Variants in PPP2R5E observed in about 807,000 individuals in gnomAD.
PPP2R5E encodes protein phosphatase 2 regulatory subunit B'epsilon.
A neutral mutation model predicts 65.3 loss-of-function variants in PPP2R5E; 4 were observed. That is an observed-to-expected ratio of 0.06 (90% CI 0.03 to 0.14). The LOEUF (loss-of-function observed/expected upper bound fraction) is 0.14. PPP2R5E is among the 10% of genes least tolerant of loss of function. The pLI is 1.00. For missense variants in PPP2R5E, 274 were observed against 556.1 expected (o/e 0.49, Z 5.10); for synonymous variants, 183 against 187.4 (o/e 0.98, Z 0.19).
At chr14:63,520,859 CAAAAAAA>C (rs748146106) in intron 2 of PPP2R5E, among the ~76,000 whole-genome samples, 101 of 58,522 alleles carry the variant, frequency 1.7e-3, no homozygotes, top group Non-Finnish European at 1.7e-3. Flanking sequence ...ACTAAAAATA[CAAAAAAA>C]AAAAAAAAAA....
intron 2 of PPP2R5E, among the ~76,000 whole-genome samples, chr14:63,508,560 T>A (rs1297491496): frequency 1.3e-5 from 2 of 152,222 alleles, no homozygotes; most frequent in Non-Finnish European, 2.9e-5. Flanking sequence ...ATTCCCCTTT[T>A]TACCACCAAG....
intron 2 of PPP2R5E, among the ~76,000 whole-genome samples, chr14:63,488,311 C>A (rs2064954): frequency 0.33 from 49,421 of 151,772 alleles, 10,633 homozygotes; most frequent in African/African-American, 0.62. Context: ...AATCCTCCCA[C>A]CTCAGCCTCC....
chr14:63,483,109 A>T (rs145077657), intron 2 of PPP2R5E, among the ~76,000 whole-genome samples: 1,940 of 152,302 alleles, frequency 0.013, 42 homozygotes, highest in African/African-American at 0.045. Flanking sequence ...GTTCAAGACC[A>T]GCCTGGGCAA....
At position 63,432,301 on chromosome 14, in the gene PPP2R5E, C is replaced by T. The variant is rs555994545; in HGVS notation, c.355-10207G>A. 1.4e-4 allele frequency among the ~76,000 whole-genome samples: 22 copies of T among 152,264 alleles called. No individual in the cohort carries two copies. In the East Asian group the frequency reaches 3.7e-3, roughly 25 times the overall value. ...GCTGCTTACTGCTGTTAGAAGCAGT[C>T]GGAGTATTTAGCTGATAATTGTTAT... is the stretch of plus-strand genomic sequence containing the variant. On this transcript the variant is annotated intron_variant, in intron 3 of 13. Coordinates refer to ENST00000337537, the MANE Select transcript of PPP2R5E (RefSeq NM_006246.5).
chr14:63,477,103 T>G (rs1358869160), intron 2 of PPP2R5E, among the ~76,000 whole-genome samples: 1 of 152,120 alleles, frequency 6.6e-6, no homozygotes, highest in African/African-American at 2.4e-5. Flanking sequence ...TACTAAATAT[T>G]TGGATTACAG....
At chr14:63,473,710 A>G (rs1488369697) in intron 2 of PPP2R5E, among the ~76,000 whole-genome samples, 3 of 152,244 alleles carry the variant, frequency 2.0e-5, no homozygotes, top group Admixed American at 1.3e-4. Flanking sequence ...GGATTTTATT[A>G]AATGAAGAAG....
intron 2 of PPP2R5E, among the ~76,000 whole-genome samples, chr14:63,522,189 A>G (rs1365457602): frequency 1.3e-3 from 195 of 151,638 alleles, no homozygotes; most frequent in Middle Eastern, 6.8e-3. Flanking sequence ...CGAGTGATCC[A>G]CCAGCCTCGG....
intron 2 of PPP2R5E, 85 bp from the exon 3 acceptor site, chr14:63,453,970 G>A: frequency 9.3e-7 from 1 of 1,074,172 alleles, no homozygotes; most frequent in Non-Finnish European, 1.3e-6. Flanking sequence ...TCAAAGGCAA[G>A]CTAAAAAAAA....
At chr14:63,421,278 T>A (rs913036886) in intron 4 of PPP2R5E, among the ~76,000 whole-genome samples, 3 of 152,092 alleles carry the variant, frequency 2.0e-5, no homozygotes, top group African/African-American at 4.8e-5. Flanking sequence ...CTTGCTCTAT[T>A]CTTTTGAGAA....
At position 63,485,214 on chromosome 14, in the gene PPP2R5E, A is replaced by C. The variant is rs553828902; in HGVS notation, c.158-31329T>G. Reference sequence around the variant, plus strand: ...ACTCATTTAAAAAAAAAAAAAAAAAAAACATACTGGCAACAATATGAATTA... The same window carrying C: ...ACTCATTTAAAAAAAAAAAAAAAAACAACATACTGGCAACAATATGAATTA... On this transcript the variant is annotated intron_variant, in intron 2 of 13. Coordinates refer to ENST00000337537, the MANE Select transcript of PPP2R5E (RefSeq NM_006246.5). Among the ~76,000 whole-genome samples, 26 of 152,096 alleles carry C rather than the reference A, an allele frequency of 1.7e-4. 1 individual carries two copies. In the South Asian group the frequency reaches 4.8e-3, roughly 28 times the overall value.
At chr14:63,409,608 T>C (rs1039224299) in intron 5 of PPP2R5E, among the ~76,000 whole-genome samples, 7 of 152,172 alleles carry the variant, frequency 4.6e-5, no homozygotes, top group Admixed American at 2.6e-4. Flanking sequence ...CTGTGACTTG[T>C]TGTGATAGGT....
intron 2 of PPP2R5E, among the ~76,000 whole-genome samples, chr14:63,462,054 C>T (rs1484653838): frequency 6.7e-6 from 1 of 150,300 alleles, no homozygotes; most frequent in Non-Finnish European, 1.5e-5. Flanking sequence ...GCTGTAATGA[C>T]AGTACCGATT....
intron 2 of PPP2R5E, among the ~76,000 whole-genome samples, chr14:63,465,325 A>C (rs571725496): frequency 2.0e-5 from 3 of 151,992 alleles, no homozygotes; most frequent in African/African-American, 7.2e-5. Context: ...AGAAACATTA[A>C]ATTTTTGACC....
chr14:63,450,007 C>A (rs1594888352), intron 3 of PPP2R5E, among the ~76,000 whole-genome samples: 2 of 151,592 alleles, frequency 1.3e-5, no homozygotes, highest in East Asian at 3.9e-4. Context: ...TCCCAAGTAG[C>A]TGGGATTACA....
intron 2 of PPP2R5E, among the ~76,000 whole-genome samples, chr14:63,535,314 C>G (rs1404189815): frequency 6.6e-6 from 1 of 151,940 alleles, no homozygotes; most frequent in Admixed American, 6.6e-5. Context: ...CCCAGCTACT[C>G]AGGAGCCTGA....
intron 3 of PPP2R5E, chr14:63,452,916 T>C (rs1279382375): frequency 1.3e-5 from 2 of 152,222 alleles, no homozygotes; most frequent in Non-Finnish European, 2.9e-5. Flanking sequence ...TCTCTGAGGC[T>C]ATTTCACCAG....
At chr14:63,492,739 T>C (rs1257743588) in intron 2 of PPP2R5E, among the ~76,000 whole-genome samples, 3 of 152,176 alleles carry the variant, frequency 2.0e-5, no homozygotes, top group African/African-American at 4.8e-5. Flanking sequence ...TTGTTGAATT[T>C]TTTTGTTTTG....
intron 11 of PPP2R5E, among the ~76,000 whole-genome samples, chr14:63,388,974 G>A (rs1884846081): frequency 6.6e-6 from 1 of 152,106 alleles, no homozygotes; most frequent in African/African-American, 2.4e-5. Context: ...TGCAGCCATG[G>A]CCCCAAGAAA....
At chr14:63,516,425 T>A (rs1892674474) in intron 2 of PPP2R5E, among the ~76,000 whole-genome samples, 1 of 152,162 alleles carries the variant, frequency 6.6e-6, no homozygotes, top group African/African-American at 2.4e-5. Flanking sequence ...AAAAATAGCT[T>A]TAAGTAAAAG....
Sources: gnomAD v4.1 joint callset for allele counts (sites outside exome capture counted in the v4.1 genomes callset) on GRCh38, gnomAD v4.1.1 for gene constraint, MANE v1.5 for transcripts, NCBI Gene and HGNC (gene_info 2026-07-23, HGNC 2026-07-21) for gene names.